The following CDH4 variants were observed in gnomAD, a reference collection of about 807,000 sequenced individuals.
CDH4 encodes cadherin 4.
In CDH4, 33 loss-of-function variants were observed where a neutral mutation model predicts 86.0. That is an observed-to-expected ratio of 0.38 (90% confidence interval 0.29 to 0.51). The LOEUF (loss-of-function observed/expected upper bound fraction) is 0.51, where lower values mean the gene tolerates loss of function less well. CDH4 is among the 20% of genes least tolerant of loss of function. The pLI, the probability that CDH4 is intolerant of heterozygous loss-of-function variation, is 0.86. For synonymous variants in CDH4, 555 were observed against 549.4 expected (o/e 1.01, Z -0.14); for missense variants, 1,114 against 1,307.4 (o/e 0.85, Z 2.28).
intron 2 of CDH4, among the ~76,000 whole-genome samples, chr20:61,458,353 G>A (rs1354772775): frequency 7.1e-6 from 1 of 141,290 alleles, no homozygotes; most frequent in African/African-American, 2.6e-5. Context: ...GGGCAGTGCT[G>A]ACGCTGTGGT....
intron 2 of CDH4, among the ~76,000 whole-genome samples, chr20:61,677,232 C>T (rs572862374): frequency 2.8e-4 from 43 of 152,252 alleles, no homozygotes; most frequent in Admixed American, 5.9e-4. Context: ...GTGATATCTG[C>T]GAGCAGGGCA....
chr20:61,694,469 C>G (rs1179449420), intron 2 of CDH4, among the ~76,000 whole-genome samples: 1 of 152,124 alleles, frequency 6.6e-6, no homozygotes, highest in African/African-American at 2.4e-5. Flanking sequence ...AGGAGGTAAA[C>G]ATATCTTTAA....
chr20:61,298,294 T>G (rs1348289027), intron 2 of CDH4, among the ~76,000 whole-genome samples: 1 of 152,070 alleles, frequency 6.6e-6, no homozygotes, highest in South Asian at 2.1e-4. Context: ...TTAAATTGAG[T>G]GTGTGTAATT....
At chr20:61,483,009 C>T (rs1347512988) in intron 2 of CDH4, among the ~76,000 whole-genome samples, 1 of 152,230 alleles carries the variant, frequency 6.6e-6, no homozygotes, top group Non-Finnish European at 1.5e-5. Context: ...GCCCCCAGAT[C>T]TGCTGCTCTT....
intron 2 of CDH4, among the ~76,000 whole-genome samples, chr20:61,560,496 A>G (rs1395694364): frequency 6.6e-6 from 1 of 152,252 alleles, no homozygotes; most frequent in Admixed American, 6.5e-5. Flanking sequence ...TCCAGATGCC[A>G]AAGCCACGTT....
chr20:61,925,290 G>C (rs530171202), intron 11 of CDH4, among the ~76,000 whole-genome samples: 5 of 152,196 alleles, frequency 3.3e-5, no homozygotes, highest in Non-Finnish European at 7.3e-5. Context: ...CCCACGGGTC[G>C]CACGCTCTCA....
intron 2 of CDH4, among the ~76,000 whole-genome samples, chr20:61,486,222 C>G (rs190113299): frequency 6.6e-6 from 1 of 152,340 alleles, no homozygotes; most frequent in Non-Finnish European, 1.5e-5. Flanking sequence ...AAATACAGCC[C>G]AGAAACCTGC....
intron 2 of CDH4, among the ~76,000 whole-genome samples, chr20:61,403,178 A>G (rs8118658): frequency 0.07 from 10,615 of 152,196 alleles, 1,241 homozygotes; most frequent in African/African-American, 0.24. Flanking sequence ...GGGATCTTGA[A>G]GAGGCAAGCT....
chr20:61,453,386 C>T (rs527579475), intron 2 of CDH4, among the ~76,000 whole-genome samples: 3 of 152,210 alleles, frequency 2.0e-5, no homozygotes, highest in Non-Finnish European at 2.9e-5. Flanking sequence ...TTGCTGGGTT[C>T]GCATGTGTGG....
chr20:61,909,216 C>T (rs1481292205), intron 8 of CDH4, among the ~76,000 whole-genome samples: 1 of 152,208 alleles, frequency 6.6e-6, no homozygotes, highest in Non-Finnish European at 1.5e-5. Flanking sequence ...CAGCCCTGTC[C>T]TGATGCTCCA....
Position 61,936,805 on chromosome 20 carries a change from G to A in CDH4, c.2613G>A (p.Glu871=). ...PYDSLLVFDY[E]GSGSTAGSVS... is the part of the protein sequence containing the mutation. The stretch of plus-strand genomic sequence containing the variant: ...ACTCCCTGCTGGTCTTCGACTACGA[G>A]GGGAGCGGCTCCACCGCAGGCTCCG... The change falls in exon 16 of 16, where the codon GAG becomes GAA. Residue 871 remains glutamate, a synonymous_variant. Coordinates refer to ENST00000614565, the MANE Select transcript of CDH4 (RefSeq NM_001794.5). 2.5e-6 allele frequency: 4 copies of A among 1,610,914 alleles called. No homozygotes were observed. The highest frequency in any genetic ancestry group is 3.4e-6 in the Non-Finnish European group (4 of 1,179,206).
intron 4 of CDH4, among the ~76,000 whole-genome samples, chr20:61,831,590 G>A (rs1229551460): frequency 6.6e-6 from 1 of 152,218 alleles, no homozygotes; most frequent in Non-Finnish European, 1.5e-5. Flanking sequence ...CCATGCAGCA[G>A]GTCCCTGTCC....
rs1028046694 is a variant in CDH4 at position 61,681,129 on chromosome 20, A to G, written c.170-62434A>G. On this transcript the variant is annotated intron_variant, in intron 2 of 15. Coordinates refer to ENST00000614565, the MANE Select transcript of CDH4 (RefSeq NM_001794.5). This position sits in a 1 kb window ranked among gnomAD's most constrained non-coding sequence, Gnocchi z 4.5. Reference sequence around the variant, plus strand: ...AGGGCATTGTGGATGTGGGCCCTCCAGAATTCAAGAAAATGTCTCTGCAAG... The same window carrying G: ...AGGGCATTGTGGATGTGGGCCCTCCGGAATTCAAGAAAATGTCTCTGCAAG... 3.9e-5 allele frequency among the ~76,000 whole-genome samples: 6 copies of G among 152,250 alleles called. No individual in the cohort carries two copies. The highest frequency in any genetic ancestry group is 3.2e-3 in the Middle Eastern group (1 of 316).
intron 2 of CDH4, among the ~76,000 whole-genome samples, chr20:61,622,961 A>C (rs1206968105): frequency 1.3e-5 from 2 of 152,198 alleles, no homozygotes; most frequent in Admixed American, 1.3e-4. Flanking sequence ...GGAGGCCTGG[A>C]GCCCTCACTC....
chr20:61,465,472 ATTATC>A (rs1420857671), intron 2 of CDH4, among the ~76,000 whole-genome samples: 1 of 151,968 alleles, frequency 6.6e-6, no homozygotes, highest in Non-Finnish European at 1.5e-5. Context: ...TTGTACTTTT[ATTATC>A]TTAAAAAGAT....
At chr20:61,540,314 C>A (rs6121429) in intron 2 of CDH4, among the ~76,000 whole-genome samples, 39,245 of 152,036 alleles carry the variant, frequency 0.26, 7,022 homozygotes, top group African/African-American at 0.5. Context: ...AAAATGTATC[C>A]TTTGACATGG....
chr20:61,327,547 TCTC>T (rs1452265743), intron 2 of CDH4, among the ~76,000 whole-genome samples: 1 of 152,174 alleles, frequency 6.6e-6, no homozygotes, highest in African/African-American at 2.4e-5. Flanking sequence ...AAAGTTCTGA[TCTC>T]CTGTTTGACC....
intron 2 of CDH4, among the ~76,000 whole-genome samples, chr20:61,264,114 C>A (rs775869298): frequency 2.7e-4 from 41 of 152,280 alleles, no homozygotes; most frequent in Admixed American, 3.9e-4. Context: ...GGGGACATCT[C>A]TGGGGAGTCG....
chr20:61,646,778 T>C (rs958831370), intron 2 of CDH4, among the ~76,000 whole-genome samples: 1 of 152,186 alleles, frequency 6.6e-6, no homozygotes, highest in African/African-American at 2.4e-5. Flanking sequence ...CAGAAACACT[T>C]CAAGGAAGGG....
Sources: allele counts gnomAD v4.1 joint callset (sites outside exome capture counted in the v4.1 genomes callset), GRCh38; gene constraint gnomAD v4.1.1; non-coding constraint Gnocchi (gnomAD v3.1); transcripts MANE v1.5; gene names NCBI Gene and HGNC (gene_info 2026-07-23, HGNC 2026-07-21).